The following PPP1R9A variants were observed in gnomAD, a reference collection of about 807,000 sequenced individuals.
PPP1R9A encodes the protein protein phosphatase 1 regulatory subunit 9A.
PPP1R9A carries 59 observed loss-of-function variants against 141.9 expected under a neutral mutation model. That is an observed-to-expected ratio of 0.42 (90% CI 0.34 to 0.52). The LOEUF (loss-of-function observed/expected upper bound fraction) is 0.52. PPP1R9A is among the 20% of genes least tolerant of loss of function. The pLI is 0.10. For missense variants in PPP1R9A, 1,444 were observed against 1,611.9 expected (o/e 0.90, Z 1.78); for synonymous variants, 500 against 569.7 (o/e 0.88, Z 1.74).
chr7:95,022,654 T>C (rs1806159201), intron 2 of PPP1R9A, among the ~76,000 whole-genome samples: 1 of 152,198 alleles, frequency 6.6e-6, no homozygotes, highest in Non-Finnish European at 1.5e-5. Context: ...ATATGTGCCA[T>C]CAATATCTAG....
At chr7:95,236,167 C>A (rs1796655903) in intron 8 of PPP1R9A, among the ~76,000 whole-genome samples, 1 of 152,122 alleles carries the variant, frequency 6.6e-6, no homozygotes, top group Non-Finnish European at 1.5e-5. Flanking sequence ...TTAACTGCCA[C>A]AAAGATTATA....
At chr7:95,103,558 CG>C in intron 2 of PPP1R9A, among the ~76,000 whole-genome samples, 1 of 151,762 alleles carries the variant, frequency 6.6e-6, no homozygotes, top group Non-Finnish European at 1.5e-5. Context: ...TTAGTAGAGA[CG>C]GGGTTTCACC....
intron 2 of PPP1R9A, among the ~76,000 whole-genome samples, chr7:95,097,129 T>C (rs1390202157): frequency 2.0e-5 from 3 of 152,168 alleles, no homozygotes; most frequent in Non-Finnish European, 4.4e-5. Flanking sequence ...ATTCAAGCGA[T>C]TCTCCTGCCT....
At chr7:94,945,865 T>C in intron 2 of PPP1R9A, among the ~76,000 whole-genome samples, 1 of 152,186 alleles carries the variant, frequency 6.6e-6, no homozygotes, top group South Asian at 2.1e-4. Context: ...GTTTGAATAT[T>C]AATTTTAATA....
chr7:95,120,587 G>C, intron 3 of PPP1R9A, 125 bp from the exon 4 acceptor site: 1 of 1,046,350 alleles, frequency 9.6e-7, no homozygotes, highest in East Asian at 2.5e-5. Flanking sequence ...GCTAAAGCAA[G>C]CATGTTATTG....
Position 95,295,590 on chromosome 7 carries a change from C to T in PPP1R9A, c.*5287C>T, listed in dbSNP as rs191809208. 6.6e-6 allele frequency: 1 copy of T among 152,274 alleles called. No homozygotes were observed. Among genetic ancestry groups the T allele is most frequent in the East Asian group, 1.9e-4 (1 of 5,182 alleles). 9.4% of individuals were successfully genotyped at this position (152,274 alleles called of 1,614,324 possible). A position where few individuals can be genotyped will look rare whatever the true frequency, so the allele number is the denominator to read the frequency against. ...TATGATCATTTATTTACTTTTTGTG[C>T]AAGCAATGGCATTTTGGTTGTTGCC... On this transcript the variant is annotated 3_prime_UTR_variant, in exon 20 of 20. Transcript: ENST00000433360.
chr7:95,220,870 C>T (rs1286830961), intron 7 of PPP1R9A, among the ~76,000 whole-genome samples: 1 of 152,002 alleles, frequency 6.6e-6, no homozygotes. Context: ...ATCTTGAATC[C>T]TTGGGGCAGG....
At chr7:95,118,801 T>C (rs1821967487) in intron 3 of PPP1R9A, among the ~76,000 whole-genome samples, 1 of 142,474 alleles carries the variant, frequency 7.0e-6, no homozygotes, top group African/African-American at 2.6e-5. Flanking sequence ...TGAAACCCTG[T>C]CTGTACAAAA....
rs554730923 is a variant in PPP1R9A at position 95,120,789 on chromosome 7, G to A, written c.1606G>A (p.Val536Ile). ...DAGLEKLGIF[V>I]KTVTEGGAAQ... ...TGGACTTGAAAAGCTGGGAATATTCGTCAAGACAGTAACAGAAGGTGGTGC... is the reference window on the plus strand; with the variant it reads ...TGGACTTGAAAAGCTGGGAATATTCATCAAGACAGTAACAGAAGGTGGTGC... The change falls in exon 4 of 20, where the codon GTC becomes ATC. Residue 536 changes from valine to isoleucine, a missense_variant. Val to Ile is a conservative substitution (Grantham distance 29). This residue lies in a region of PPP1R9A where 488 missense variants were observed against 542.0 expected (regional missense o/e 0.90). Coordinates refer to ENST00000433360, the MANE Select transcript of PPP1R9A (RefSeq NM_001166160.2). 2.2e-5 allele frequency: 35 copies of A among 1,613,972 alleles called. No homozygotes were observed. Among genetic ancestry groups the A allele is most frequent in the African/African-American group, 5.3e-5 (4 of 75,004 alleles).
chr7:94,912,343 G>A (rs1791549398), intron 2 of PPP1R9A, among the ~76,000 whole-genome samples: 1 of 152,192 alleles, frequency 6.6e-6, no homozygotes, highest in Non-Finnish European at 1.5e-5. Context: ...AGGGGCAGGA[G>A]GTGGTTGGTT....
Position 95,250,215 on chromosome 7 carries a change from TACA to T in PPP1R9A, c.2361_2363del (p.Asn787del). ...CCAGTATCAGGCCTTGGAAAAGAAA[TACA>T]ACAAGGCAAAGAAGTTGATCAAGGA... is the stretch of plus-strand genomic sequence containing the variant. On this transcript the variant is annotated inframe_deletion, in exon 10 of 20. Coordinates refer to ENST00000433360, the MANE Select transcript of PPP1R9A (RefSeq NM_001166160.2). 6.2e-7 allele frequency: 1 copy of T among 1,612,864 alleles called. No individual in the cohort carries two copies.
intron 5 of PPP1R9A, among the ~76,000 whole-genome samples, chr7:95,180,783 C>T (rs1225798098): frequency 1.3e-5 from 2 of 151,520 alleles, no homozygotes; most frequent in Admixed American, 6.6e-5. Flanking sequence ...CTCAACATCA[C>T]TAATAATCGG....
chr7:95,233,895 A>T (rs895015473), intron 8 of PPP1R9A, among the ~76,000 whole-genome samples: 5 of 152,238 alleles, frequency 3.3e-5, no homozygotes, highest in Admixed American at 3.3e-4. Flanking sequence ...AATAAATGTG[A>T]TACATCACAT....
chr7:95,100,097 G>A (rs1323675237), intron 2 of PPP1R9A, among the ~76,000 whole-genome samples: 7 of 152,002 alleles, frequency 4.6e-5, no homozygotes, highest in Non-Finnish European at 1.0e-4. Flanking sequence ...GTATGTATAT[G>A]TAAAACTTTC....
At chr7:95,120,854 A>G (rs1371907323) in intron 4 of PPP1R9A, 22 bp downstream of exon 4, 2 of 1,603,584 alleles carry the variant, frequency 1.2e-6, no homozygotes, top group African/African-American at 2.7e-5. Flanking sequence ...ACTGTTGTTA[A>G]TAACTTAAAA....
At chr7:95,114,816 A>T (rs1364942198) in intron 3 of PPP1R9A, among the ~76,000 whole-genome samples, 1 of 151,204 alleles carries the variant, frequency 6.6e-6, no homozygotes, top group African/African-American at 2.4e-5. Context: ...TCCTAGGTAG[A>T]TGTTTGATTG....
intron 12 of PPP1R9A, among the ~76,000 whole-genome samples, chr7:95,264,580 G>T (rs141660044): frequency 6.6e-6 from 1 of 152,116 alleles, no homozygotes; most frequent in Non-Finnish European, 1.5e-5. Flanking sequence ...TCTTTTAAAG[G>T]ATCCAATTTG....
chr7:95,244,637 T>C (rs1307956434), intron 8 of PPP1R9A, among the ~76,000 whole-genome samples: 2 of 152,202 alleles, frequency 1.3e-5, no homozygotes, highest in African/African-American at 4.8e-5. Context: ...AGTGCAGTGT[T>C]CACTGTGGAA....
chr7:95,094,879 C>CAAAAAAA (rs1166550834), intron 2 of PPP1R9A, among the ~76,000 whole-genome samples: 7,091 of 44,772 alleles, frequency 0.16, 1,054 homozygotes, highest in Non-Finnish European at 0.23. Flanking sequence ...GACTGCGTCT[C>CAAAAAAA]AAAAAAAAAA....
Sources: gnomAD v4.1 joint callset for allele counts (sites outside exome capture counted in the v4.1 genomes callset) on GRCh38, gnomAD v4.1.1 for gene constraint, gnomAD v4.1.1 regional missense constraint, MANE v1.5 for transcripts, NCBI Gene and HGNC (gene_info 2026-07-23, HGNC 2026-07-21) for gene names.